The following SF3B3 variants were observed in gnomAD, a reference collection of about 807,000 sequenced individuals.
SF3B3 encodes the protein SAP 130.
SF3B3 carries 33 observed loss-of-function variants against 139.2 expected under a neutral mutation model. That is an observed-to-expected ratio of 0.24 (90% CI 0.18 to 0.32). SF3B3 has a LOEUF of 0.32. Among genes scored for constraint, SF3B3 ranks in the 10% least tolerant of loss-of-function variants. The probability of loss-of-function intolerance (pLI) is 1.00; values close to 1 mark genes in which losing one functional copy is unlikely to be tolerated. For missense variants in SF3B3, 818 were observed against 1,509.4 expected (o/e 0.54, Z 7.59); for synonymous variants, 596 against 563.6 (o/e 1.06, Z -0.81).
chr16:70,563,688 G>C (rs553060715), intron 17 of SF3B3, 188 bp from the exon 18 acceptor site: 1 of 559,712 alleles, frequency 1.8e-6, no homozygotes, highest in South Asian at 2.5e-5. Flanking sequence ...CAAATGGGAA[G>C]GCCCTTCCTG....
chr16:70,540,663 G>A (rs939642941), intron 8 of SF3B3, among the ~76,000 whole-genome samples: 7 of 151,810 alleles, frequency 4.6e-5, no homozygotes, highest in African/African-American at 9.7e-5. Context: ...GAGCCATAGC[G>A]CCTGGCTGAT....
intron 10 of SF3B3, among the ~76,000 whole-genome samples, chr16:70,547,026 T>C (rs2050275387): frequency 8.6e-6 from 1 of 116,438 alleles, no homozygotes; most frequent in Admixed American, 8.7e-5. Flanking sequence ...AGACTCCGTC[T>C]CAAAAAAAAA....
At chr16:70,570,372 C>A (rs554725686) in intron 24 of SF3B3, among the ~76,000 whole-genome samples, 1 of 132,038 alleles carries the variant, frequency 7.6e-6, no homozygotes, top group Non-Finnish European at 1.6e-5. Context: ...TCACTGTTAC[C>A]CGGGCTGGAG....
At chr16:70,543,925 C>T (rs1049610232) in intron 9 of SF3B3, among the ~76,000 whole-genome samples, 1 of 151,890 alleles carries the variant, frequency 6.6e-6, no homozygotes, top group African/African-American at 2.4e-5. Context: ...ACAGTTACGA[C>T]TCACTGTAGC....
At chr16:70,546,599 C>T (rs1011646702) in intron 10 of SF3B3, among the ~76,000 whole-genome samples, 1 of 151,840 alleles carries the variant, frequency 6.6e-6, no homozygotes, top group African/African-American at 2.4e-5. Flanking sequence ...TGCAGTGAGC[C>T]GAGATCACGC....
intron 11 of SF3B3, chr16:70,550,100 T>A (rs533808806): frequency 6.6e-6 from 1 of 152,232 alleles, no homozygotes; most frequent in South Asian, 2.1e-4. Context: ...TGCAGTGAGA[T>A]TCTGTGGGTC....
At chr16:70,542,530 G>C (rs1389170537) in intron 9 of SF3B3, among the ~76,000 whole-genome samples, 1 of 152,086 alleles carries the variant, frequency 6.6e-6, no homozygotes, top group Non-Finnish European at 1.5e-5. Context: ...GACCATTAGG[G>C]ACCACCTGTG....
rs554719491 is a variant in SF3B3, at chr16:70,523,886, G to T, written c.-113G>T. On this transcript the variant is annotated 5_prime_UTR_variant, in exon 1 of 26. It adds an upstream start codon to the 5' untranslated region. Transcript: ENST00000302516. ...GGTGGTGGCTTAAGTTTTGAAGGGA[G>T]GTAGCATCCGTTGGATATCCACACC... 8.0e-5 allele frequency: 39 copies of T among 488,834 alleles called. No individual in the cohort carries two copies. Among genetic ancestry groups the T allele is most frequent in the Non-Finnish European group, 1.3e-4 (36 of 278,682 alleles). 30.3% of individuals were successfully genotyped at this position (488,834 alleles called of 1,614,324 possible).
In SF3B3 at chr16:70,568,330, A is replaced by T; in HGVS notation, c.3000A>T (p.Val1000=). The T allele has an allele frequency of 6.2e-7, 1 of 1,613,576 alleles. No homozygotes were observed. The highest frequency in any genetic ancestry group is 8.5e-7 in the Non-Finnish European group (1 of 1,179,486). Residue 1000 remains valine (V), a synonymous_variant, in exon 22 of 26, where the codon GTA becomes GTT. Coordinates refer to ENST00000302516, the MANE Select transcript of SF3B3 (RefSeq NM_012426.5). ...ISGIQTIGHR[V]IVSDVQESFI... is the part of the protein sequence containing the mutation. The stretch of plus-strand genomic sequence containing the variant: ...GGATCCAGACTATCGGACATAGGGT[A>T]ATTGTATCTGATGTCCAAGAAAGTT...
chr16:70,554,564 C>T lies in SF3B3; in HGVS notation c.1521C>T (p.Ser507=), dbSNP rs1426672103. 1.2e-6 allele frequency: 2 copies of T among 1,614,078 alleles called. No homozygotes were observed. The highest frequency in any genetic ancestry group is 2.7e-5 in the African/African-American group (2 of 74,920). The change falls in exon 12 of 26, where the codon TCC becomes TCT. Residue 507 remains serine, a synonymous_variant. Transcript: ENST00000302516. ...SGFLGTTPTL[S]CSLLGDDALV... Reference sequence around the variant, plus strand: ...TCCTGGGGACCACCCCGACCTTGTCCTGCTCCTTATTAGGAGATGATGCCT... The same window carrying T: ...TCCTGGGGACCACCCCGACCTTGTCTTGCTCCTTATTAGGAGATGATGCCT...
At chr16:70,548,643 G>T in intron 11 of SF3B3, 1 of 549,574 alleles carries the variant, frequency 1.8e-6, no homozygotes, top group Non-Finnish European at 3.3e-6. Flanking sequence ...GTGGGAAAGG[G>T]GGAACATAGG....
In SF3B3 at chr16:70,576,766, G is replaced by A; in HGVS notation, c.*4953G>A. The A allele has an allele frequency of 6.6e-6, 1 of 152,220 alleles. No homozygotes were observed. Among genetic ancestry groups the A allele is most frequent in the East Asian group, 1.9e-4 (1 of 5,196 alleles). The allele number at this position is 152,220 out of a possible 1,614,324, so 9.4% of individuals were successfully genotyped here. ...GTCCATGAAGAGAGCACTGTATACAGTCAGATGACCTGGGCTCACTAGCCT... is the reference window on the plus strand; with the variant it reads ...GTCCATGAAGAGAGCACTGTATACAATCAGATGACCTGGGCTCACTAGCCT... On this transcript the variant is annotated 3_prime_UTR_variant, in exon 26 of 26. Coordinates refer to ENST00000302516, the MANE Select transcript of SF3B3 (RefSeq NM_012426.5).
Position 70,528,910 on chromosome 16 carries a change from G to T in SF3B3, c.108G>T (p.Lys36Asn). Residue 36 changes from lysine to asparagine, a missense_variant, in exon 3 of 26, where the codon AAG (lysine) becomes AAT (asparagine). Physicochemically the swap from Lys to Asn is moderately conservative, Grantham distance 94 (BLOSUM62 0). Coordinates refer to ENST00000302516, the MANE Select transcript of SF3B3 (RefSeq NM_012426.5). ...KQQEIVVSRG[K>N]ILELLRPDPN... The stretch of plus-strand genomic sequence containing the variant: ...AAGAAATTGTTGTTTCCCGTGGGAA[G>T]ATCTTGGAGCTGCTTCGCCCAGACC... 6.2e-7 allele frequency: 1 copy of T among 1,612,926 alleles called. No homozygotes were observed. The highest frequency in any genetic ancestry group is 2.2e-5 in the East Asian group (1 of 44,854).
At chr16:70,570,239 C>T (rs2050515403) in intron 24 of SF3B3, 90 bp downstream of exon 24, 1 of 1,219,200 alleles carries the variant, frequency 8.2e-7, no homozygotes, top group Non-Finnish European at 1.2e-6. Flanking sequence ...TTTGTCCCCA[C>T]ATATAATTAA....
chr16:70,538,576 G>T (rs2050189680), intron 7 of SF3B3, 116 bp downstream of exon 7: 3 of 821,086 alleles, frequency 3.7e-6, no homozygotes, highest in Non-Finnish European at 3.8e-6. Flanking sequence ...CCTTGGAACC[G>T]GTATATGAGT....
rs780585514 is a variant in SF3B3, at chr16:70,548,367, C to T, written c.1330-3C>T. The stretch of plus-strand genomic sequence containing the variant: ...ATCTGTGGCTTCCCTCTTCTCCTGT[C>T]AGGTGTCAGAAATGGCTGTTTCTGA... On this transcript the variant is annotated splice_region_variant and splice_polypyrimidine_tract_variant and intron_variant, in intron 10 of 25. Coordinates refer to ENST00000302516, the MANE Select transcript of SF3B3 (RefSeq NM_012426.5). The T allele has an allele frequency of 1.2e-6, 2 of 1,613,712 alleles. No homozygotes were observed. The highest frequency in any genetic ancestry group is 1.7e-6 in the Non-Finnish European group (2 of 1,179,632).
intron 15 of SF3B3, 31 bp downstream of exon 15, chr16:70,557,060 A>AT (rs1409606144): frequency 6.4e-7 from 1 of 1,572,596 alleles, no homozygotes; most frequent in Non-Finnish European, 8.6e-7. Flanking sequence ...CATTGTGGAC[A>AT]TTAGGCCTTC....
At position 70,552,642 on chromosome 16, in the gene SF3B3, C is replaced by G. The variant is rs573954381; in HGVS notation, c.1403-1804C>G. 3.3e-4 allele frequency among the ~76,000 whole-genome samples: 51 copies of G among 152,284 alleles called. 1 individual carries two copies. Among genetic ancestry groups the G allele is most frequent in the African/African-American group, 1.2e-3 (48 of 41,560 alleles). ...ATTCCTTATGATTTGGAAATTGAAC[C>G]TTTACTCTGTGGATTCCTGGTCTAA... is the stretch of plus-strand genomic sequence containing the variant. On this transcript the variant is annotated intron_variant, in intron 11 of 25. Transcript: ENST00000302516.
chr16:70,555,018 TAA>T (rs2050366365), intron 12 of SF3B3, 31 bp from the exon 13 acceptor site: 1 of 1,605,104 alleles, frequency 6.2e-7, no homozygotes, highest in Non-Finnish European at 8.5e-7. Flanking sequence ...ATCAAATTGT[TAA>T]AGTCAGGTTT....
Sources: gnomAD v4.1 joint callset for allele counts (sites outside exome capture counted in the v4.1 genomes callset) on GRCh38, gnomAD v4.1.1 for gene constraint, MANE v1.5 for transcripts, NCBI Gene and HGNC (gene_info 2026-07-23, HGNC 2026-07-21) for gene names.